Variants in CC2D1B observed in about 807,000 individuals in gnomAD.
The protein encoded by CC2D1B is coiled-coil and C2 domain-containing protein 1B.
A neutral mutation model predicts 110.8 loss-of-function variants in CC2D1B; 92 were observed. That is an observed-to-expected ratio of 0.83 (90% CI 0.70 to 0.99). The LOEUF (loss-of-function observed/expected upper bound fraction) is 0.99. CC2D1B is among the 50% of genes least tolerant of loss of function. The pLI, the probability that CC2D1B is intolerant of heterozygous loss-of-function variation, is 0.00. For synonymous variants in CC2D1B, 406 were observed against 429.2 expected, an observed-to-expected ratio of 0.95 and a Z score of 0.67; for missense variants, 1,136 against 1,089.0, an observed-to-expected ratio of 1.04 and a Z score of -0.61.
At chr1:52,358,632 C>T (rs1403700124) in intron 12 of CC2D1B, 54 bp downstream of exon 12, 13 of 1,593,054 alleles carry the variant, frequency 8.2e-6, no homozygotes, top group Non-Finnish European at 1.1e-5. Context: ...CCCCCATTCC[C>T]TTCTTGCCCA....
chr1:52,356,220 G>A lies in CC2D1B; in HGVS notation c.2020C>T (p.His674Tyr), dbSNP rs141717834. 5.2e-3 allele frequency: 8,365 copies of A among 1,613,836 alleles called. 21 individuals are homozygous for A. The highest frequency in any genetic ancestry group is 6.1e-3 in the Non-Finnish European group (7,209 of 1,179,738). The change falls in exon 18 of 25, where the codon CAC (histidine) becomes TAC (tyrosine). Residue 674 changes from histidine to tyrosine, a missense_variant. By Grantham distance (83) the His-to-Tyr change is moderately conservative. Transcript: ENST00000284376. ...TGGAATGTCTTCAACTCAAAGTGGT[G>A]GGTGGGAGGGTCGAGGCCCTGAGCC... ...AQAQGLDPPT[H>Y]HFELKTFQTV...
Position 52,361,552 on chromosome 1 carries a change from C to T in CC2D1B, c.279G>A (p.Glu93=). The part of the protein sequence containing the change: ...AADCMRDVEE[E]EEEEGLEEDA... ...CTTCCTCCAGCCCTTCCTCCTCCTC[C>T]TCCTCCTCCACATCCCGCATACAGT... Residue 93 remains glutamate, a synonymous_variant, in exon 4 of 25, where the codon GAG becomes GAA. Coordinates refer to ENST00000284376, the MANE Select transcript of CC2D1B (RefSeq NM_001330585.2). 1 of 1,614,016 alleles carries T rather than the reference C, an allele frequency of 6.2e-7. No individual in the cohort carries two copies. The highest frequency in any genetic ancestry group is 1.3e-5 in the African/African-American group (1 of 75,052).
chr1:52,353,748 T>C (rs1646579108), intron 23 of CC2D1B, 101 bp from the exon 24 acceptor site: 2 of 812,026 alleles, frequency 2.5e-6, no homozygotes, highest in Non-Finnish European at 3.9e-6. Flanking sequence ...AGCTAAGATG[T>C]CCTGTGGCAT....
rs1009363698 is a variant in CC2D1B at position 52,353,187 on chromosome 1, G to C, written c.*38C>G. Reference sequence around the variant, plus strand: ...AGCTGGGAAAGTCATCTCCTGCACAGTCGCGGCCTGACTCCTCTCCTGGTG... The same window carrying C: ...AGCTGGGAAAGTCATCTCCTGCACACTCGCGGCCTGACTCCTCTCCTGGTG... On this transcript the variant is annotated 3_prime_UTR_variant, in exon 25 of 25. Transcript: ENST00000284376. The C allele has an allele frequency of 4.5e-6, 6 of 1,328,818 alleles. No individual in the cohort carries two copies. Among genetic ancestry groups the C allele is most frequent in the Non-Finnish European group, 6.0e-6 (6 of 1,005,684 alleles). The allele number at this position is 1,328,818 out of a possible 1,614,324, so 82.3% of individuals were successfully genotyped here.
At position 52,355,656 on chromosome 1, in the gene CC2D1B, G is replaced by A. The variant is rs768277732; in HGVS notation, c.2139C>T (p.Pro713=). 6 of 1,614,038 alleles carry A rather than the reference G, an allele frequency of 3.7e-6. No individual in the cohort carries two copies. The highest frequency in any genetic ancestry group is 3.3e-5 in the South Asian group (3 of 91,080). The change falls in exon 20 of 25, where the codon CCC becomes CCT. Residue 713 remains proline, a synonymous_variant. Coordinates refer to ENST00000284376, the MANE Select transcript of CC2D1B (RefSeq NM_001330585.2). ...ACCGCACAAAAGCATCCAGGTCATC[G>A]GGAGTCACCCCTGGGAAGGAGAAAA... ...MNLPAPPGVT[P]DDLDAFVRFE...
chr1:52,361,416 G>C, intron 4 of CC2D1B, 97 bp downstream of exon 4: 1 of 1,572,890 alleles, frequency 6.4e-7, no homozygotes, highest in Non-Finnish European at 8.6e-7. Context: ...CAGAGTCAGA[G>C]AATACAGGGG....
At position 52,355,364 on chromosome 1, in the gene CC2D1B, A is replaced by G. The variant is rs371062800; in HGVS notation, c.2239+34T>C. On this transcript the variant is annotated intron_variant, in intron 21 of 24. Coordinates refer to ENST00000284376, the MANE Select transcript of CC2D1B (RefSeq NM_001330585.2). Reference sequence around the variant, plus strand: ...ACACCAGTGCTGCCCACACACTCTGAGGGAGGAGAAAGAGGCCCACGTGTG... The same window carrying G: ...ACACCAGTGCTGCCCACACACTCTGGGGGAGGAGAAAGAGGCCCACGTGTG... 2.1e-5 allele frequency: 34 copies of G among 1,607,182 alleles called. No homozygotes were observed. The African/African-American group carries it at 4.4e-4, about 21-fold the overall frequency.
In CC2D1B at chr1:52,355,462, G is replaced by A. The variant is rs1646628100; in HGVS notation, c.2188-13C>T. The stretch of plus-strand genomic sequence containing the variant: ...TTTGAGCCTGGTCCTAAGCAGTGAG[G>A]AGGGAGAAGTCAGGACAGCGTATAA... On this transcript the variant is annotated splice_polypyrimidine_tract_variant and intron_variant, in intron 20 of 24. Transcript: ENST00000284376. 1.9e-6 allele frequency: 3 copies of A among 1,614,188 alleles called. No homozygotes were observed. Among genetic ancestry groups the A allele is most frequent in the South Asian group, 1.1e-5 (1 of 91,088 alleles).
chr1:52,355,503 G>T, intron 20 of CC2D1B, 54 bp from the exon 21 acceptor site: 1 of 1,608,812 alleles, frequency 6.2e-7, no homozygotes. Flanking sequence ...GAGGCACACA[G>T]GGCAGGCACT....
rs1462012373 is a variant in CC2D1B, at chr1:52,359,874, G to A, written c.773C>T (p.Ser258Phe). ...GCCAGGGAGGCTGGTCTCAGGTTGGGAGGGGTTGTCTATAAGGAAACAAAC... is the reference window on the plus strand; with the variant it reads ...GCCAGGGAGGCTGGTCTCAGGTTGGAAGGGGTTGTCTATAAGGAAACAAAC... Reference protein sequence around the residue: ...APPALESDNPSQPETSLPGIS... With the variant: ...APPALESDNPFQPETSLPGIS... The change falls in exon 8 of 25, where the codon TCC becomes TTC. Residue 258 changes from serine to phenylalanine, a missense_variant. Physicochemically the swap from Ser to Phe is radical, Grantham distance 155. Coordinates refer to ENST00000284376, the MANE Select transcript of CC2D1B (RefSeq NM_001330585.2). 1.2e-6 allele frequency: 2 copies of A among 1,611,460 alleles called. No homozygotes were observed. The highest frequency in any genetic ancestry group is 1.7e-6 in the Non-Finnish European group (2 of 1,178,864).
At position 52,359,360 on chromosome 1, in the gene CC2D1B, G is replaced by C. The variant is rs1243337706; in HGVS notation, c.1019-3C>G. On this transcript the variant is annotated splice_region_variant and splice_polypyrimidine_tract_variant and intron_variant, in intron 9 of 24. Coordinates refer to ENST00000284376, the MANE Select transcript of CC2D1B (RefSeq NM_001330585.2). ...AGAAGCCTGCTGGGGCTTCAGATCT[G>C]GGGGACCCAGAGTAGAGGTGTAGGT... 9.9e-6 allele frequency: 16 copies of C among 1,613,410 alleles called. No homozygotes were observed. The Admixed American group carries it at 1.3e-4, about 13-fold the overall frequency.
chr1:52,359,348 G>T lies in CC2D1B; in HGVS notation c.1028C>A (p.Pro343His), dbSNP rs1490077329. 1.2e-6 allele frequency: 2 copies of T among 1,613,522 alleles called. No homozygotes were observed. Among genetic ancestry groups the T allele is most frequent in the Admixed American group, 1.7e-5 (1 of 59,966 alleles). The part of the protein sequence containing the change: ...AMPPAPEDLK[P>H]QQASQAPTAP... ...TGTGGGAGCCTGAGAAGCCTGCTGG[G>T]GCTTCAGATCTGGGGGACCCAGAGT... is the stretch of plus-strand genomic sequence containing the variant. The change falls in exon 10 of 25, where the codon CCC becomes CAC. Residue 343 changes from proline (P) to histidine (H), a missense_variant. Coordinates refer to ENST00000284376, the MANE Select transcript of CC2D1B (RefSeq NM_001330585.2).
intron 13 of CC2D1B, 61 bp downstream of exon 13, chr1:52,358,270 T>G: frequency 6.3e-7 from 1 of 1,577,372 alleles, no homozygotes; most frequent in South Asian, 1.2e-5. Flanking sequence ...CAACAGGGTC[T>G]GGGTTTACCC....
Position 52,358,763 on chromosome 1 carries a change from A to AAGGG in CC2D1B, c.1258-9_1258-6dup, listed in dbSNP as rs1311883797. The AAGGG allele has an allele frequency of 3.7e-6, 6 of 1,606,730 alleles. No individual in the cohort carries two copies. Among genetic ancestry groups the AAGGG allele is most frequent in the Non-Finnish European group, 5.1e-6 (6 of 1,177,954 alleles). Reference sequence around the variant, plus strand: ...TCGAATAGCATCTTGATATTGCTGCAAGGGAAGGAAGGGAGGGGCCTGTGG... The same window carrying AAGGG: ...TCGAATAGCATCTTGATATTGCTGCAAGGGAGGGAAGGAAGGGAGGGGCCTGTGG... On this transcript the variant is annotated splice_region_variant and splice_polypyrimidine_tract_variant and intron_variant, in intron 11 of 24. Transcript: ENST00000284376.
chr1:52,364,524 C>T, intron 2 of CC2D1B, 28 bp downstream of exon 2: 1 of 1,535,414 alleles, frequency 6.5e-7, no homozygotes, highest in South Asian at 1.2e-5. Context: ...CAAACCGACC[C>T]AGTAGCCTAG....
At position 52,358,674 on chromosome 1, in the gene CC2D1B, T is replaced by C. The variant is rs373812105; in HGVS notation, c.1330+12A>G. 134 of 1,612,728 alleles carry C rather than the reference T, an allele frequency of 8.3e-5. No homozygotes were observed. In the African/African-American group the frequency reaches 1.1e-3, roughly 13 times the overall value. On this transcript the variant is annotated intron_variant, in intron 12 of 24. Coordinates refer to ENST00000284376, the MANE Select transcript of CC2D1B (RefSeq NM_001330585.2). ...ACCTCCTCACAGAGCCCCTAGGCCA[T>C]GCCCCACTTACCTGGAGGAACAGGC...
At position 52,360,055 on chromosome 1, in the gene CC2D1B, T is replaced by C; in HGVS notation, c.763+19A>G. Reference sequence around the variant, plus strand: ...TATGACCCCAGGAACTAGAACAGGATTTGGGCATCTGCAGATACCTGACTC... The same window carrying C: ...TATGACCCCAGGAACTAGAACAGGACTTGGGCATCTGCAGATACCTGACTC... On this transcript the variant is annotated intron_variant, in intron 7 of 24. Transcript: ENST00000284376. 1 of 1,561,518 alleles carries C rather than the reference T, an allele frequency of 6.4e-7. No individual in the cohort carries two copies. The highest frequency in any genetic ancestry group is 8.7e-7 in the Non-Finnish European group (1 of 1,154,290).
intron 12 of CC2D1B, 52 bp from the exon 13 acceptor site, chr1:52,358,513 CA>C (rs770459535): frequency 6.2e-7 from 1 of 1,610,362 alleles, no homozygotes; most frequent in South Asian, 1.1e-5. Context: ...CAGAGAAGCA[CA>C]AAGCTACCCG....
chr1:52,355,905 CCTT>C (rs1347078563), intron 18 of CC2D1B, 61 bp from the exon 19 acceptor site: 26 of 1,563,266 alleles, frequency 1.7e-5, no homozygotes, highest in Non-Finnish European at 2.2e-5. Context: ...GAACAAGGTC[CCTT>C]CGTCCAGGGC....
Sources: gnomAD v4.1 joint callset for allele counts on GRCh38, gnomAD v4.1.1 for gene constraint, MANE v1.5 for transcripts, NCBI Gene and HGNC (gene_info 2026-07-23, HGNC 2026-07-21) for gene names.